SDK1: variants seen among roughly 807,000 people sequenced by gnomAD.
The protein encoded by SDK1 is sidekick cell adhesion molecule 1.
A neutral mutation model predicts 245.5 loss-of-function variants in SDK1; 157 were observed. That is an observed-to-expected ratio of 0.64 (90% CI 0.56 to 0.73). SDK1 has a LOEUF of 0.73. SDK1 is among the 30% of genes least tolerant of loss of function. SDK1 has a pLI of 0.00. For synonymous variants in SDK1, 1,647 were observed against 1,278.5 expected, an observed-to-expected ratio of 1.29 and a Z score of -6.15; for missense variants, 3,583 against 3,002.3, an observed-to-expected ratio of 1.19 and a Z score of -4.52.
At chr7:4,117,391 C>T (rs1783781690) in intron 25 of SDK1, among the ~76,000 whole-genome samples, 1 of 152,176 alleles carries the variant, frequency 6.6e-6, no homozygotes, top group African/African-American at 2.4e-5. Flanking sequence ...TGGCTTGGGC[C>T]TGGGAGTTTG....
chr7:3,311,977 A>G (rs1779561220), intron 1 of SDK1, among the ~76,000 whole-genome samples: 1 of 152,168 alleles, frequency 6.6e-6, no homozygotes, highest in Non-Finnish European at 1.5e-5. Flanking sequence ...TGGAAGGTGG[A>G]GTAAAGGTTC....
At chr7:3,625,240 A>G (rs1782076513) in intron 2 of SDK1, among the ~76,000 whole-genome samples, 1 of 152,204 alleles carries the variant, frequency 6.6e-6, no homozygotes. Context: ...GAGAAAGTAC[A>G]AAAGCATTGA....
intron 2 of SDK1, among the ~76,000 whole-genome samples, chr7:3,637,795 G>T (rs577749781): frequency 1.2e-3 from 190 of 152,300 alleles, no homozygotes; most frequent in Non-Finnish European, 2.2e-3. Flanking sequence ...TTAACATCAG[G>T]GAATACGTGG....
At chr7:3,615,857 C>G (rs1299307132) in intron 1 of SDK1, among the ~76,000 whole-genome samples, 1 of 143,498 alleles carries the variant, frequency 7.0e-6, no homozygotes, top group Non-Finnish European at 1.6e-5. Context: ...ATCACACAAC[C>G]TCTTCAAAGG....
Position 4,206,927 on chromosome 7 carries a change from C to T in SDK1, c.5214+933C>T, listed in dbSNP as rs190055886. 1.1e-3 allele frequency among the ~76,000 whole-genome samples: 166 copies of T among 152,310 alleles called. 2 individuals carry two copies. Among genetic ancestry groups the T allele is most frequent in the African/African-American group, 3.8e-3 (156 of 41,570 alleles). On this transcript the variant is annotated intron_variant, in intron 36 of 44. Transcript: ENST00000404826. ...ACCTTCCTCCATGGCAGGGCTGTTACAGTGATGAATGAGCTAATGGAGAGC... is the reference window on the plus strand; with the variant it reads ...ACCTTCCTCCATGGCAGGGCTGTTATAGTGATGAATGAGCTAATGGAGAGC...
intron 13 of SDK1, 41 bp from the exon 14 acceptor site, chr7:3,987,145 T>G (rs1334478829): frequency 1.2e-6 from 2 of 1,609,406 alleles, no homozygotes; most frequent in Admixed American, 3.3e-5. Flanking sequence ...GATTCTGACA[T>G]GTGTTTTCCT....
intron 1 of SDK1, among the ~76,000 whole-genome samples, chr7:3,580,498 G>T (rs1174209379): frequency 6.6e-6 from 1 of 152,070 alleles, no homozygotes; most frequent in Non-Finnish European, 1.5e-5. Flanking sequence ...ATCACACCTA[G>T]AACCATCTGA....
chr7:3,520,329 G>C (rs986720750), intron 1 of SDK1, among the ~76,000 whole-genome samples: 1 of 152,148 alleles, frequency 6.6e-6, no homozygotes, highest in Admixed American at 6.6e-5. Flanking sequence ...GTCAACCTAG[G>C]TAAGAACATC....
chr7:4,018,976 G>A (rs559407319), intron 17 of SDK1, among the ~76,000 whole-genome samples: 12 of 152,256 alleles, frequency 7.9e-5, no homozygotes, highest in African/African-American at 2.2e-4. Flanking sequence ...TAGGTGGGAC[G>A]CCATTGTTTT....
chr7:3,499,424 G>A (rs1782126299), intron 1 of SDK1, among the ~76,000 whole-genome samples: 1 of 152,096 alleles, frequency 6.6e-6, no homozygotes, highest in Non-Finnish European at 1.5e-5. Context: ...GTGTAGTATG[G>A]TGTAAAGAAT....
At chr7:3,923,368 T>C (rs1250304148) in intron 5 of SDK1, among the ~76,000 whole-genome samples, 2 of 152,214 alleles carry the variant, frequency 1.3e-5, no homozygotes, top group African/African-American at 2.4e-5. Flanking sequence ...GAGCCTACAG[T>C]TCACTGCAAT....
At chr7:3,350,497 C>T (rs1177625876) in intron 1 of SDK1, among the ~76,000 whole-genome samples, 1 of 152,106 alleles carries the variant, frequency 6.6e-6, no homozygotes, top group Non-Finnish European at 1.5e-5. Flanking sequence ...ATTCAGTCTT[C>T]TTGGTGGTTA....
intron 35 of SDK1, among the ~76,000 whole-genome samples, chr7:4,192,152 C>T (rs1346896974): frequency 2.0e-5 from 3 of 152,208 alleles, no homozygotes; most frequent in South Asian, 2.1e-4. Flanking sequence ...TAGTGTGCTT[C>T]GTAGATACTG....
chr7:3,319,876 G>GTTTTTTTTTTTT (rs1562411105), intron 1 of SDK1, among the ~76,000 whole-genome samples: 3 of 40,980 alleles, frequency 7.3e-5, no homozygotes, highest in African/African-American at 1.3e-4. Flanking sequence ...CCCATTCTTA[G>GTTTTTTTTTTTT]TCTTTTTTTT....
intron 1 of SDK1, among the ~76,000 whole-genome samples, chr7:3,332,120 C>T (rs1780083607): frequency 6.6e-6 from 1 of 152,104 alleles, no homozygotes; most frequent in South Asian, 2.1e-4. Context: ...GTTAATATGT[C>T]TAAAGTTTTT....
intron 32 of SDK1, among the ~76,000 whole-genome samples, chr7:4,171,757 A>T (rs111817109): frequency 2.6e-5 from 4 of 152,380 alleles, no homozygotes; most frequent in Admixed American, 2.6e-4. Context: ...ATTTGGAGCT[A>T]GATGCCGGGC....
chr7:3,457,676 C>T (rs1780713020), intron 1 of SDK1, among the ~76,000 whole-genome samples: 1 of 152,056 alleles, frequency 6.6e-6, no homozygotes, highest in Non-Finnish European at 1.5e-5. Flanking sequence ...TTTCCTTTTC[C>T]TTTTCTTCCT....
chr7:4,180,220 C>A (rs1782511724), intron 35 of SDK1, among the ~76,000 whole-genome samples: 1 of 150,222 alleles, frequency 6.7e-6, no homozygotes, highest in African/African-American at 2.5e-5. Flanking sequence ...AGCTCTATGC[C>A]CAGCGCCCAG....
chr7:3,664,632 T>C (rs6462218), intron 4 of SDK1, among the ~76,000 whole-genome samples: 54,647 of 151,034 alleles, frequency 0.36, 10,828 homozygotes, highest in African/African-American at 0.52. Flanking sequence ...CCCAGCTGCT[T>C]GGAAGGCTGA....
Sources: gnomAD v4.1 joint callset for allele counts (sites outside exome capture counted in the v4.1 genomes callset) on GRCh38, gnomAD v4.1.1 for gene constraint, MANE v1.5 for transcripts, NCBI Gene and HGNC (gene_info 2026-07-23, HGNC 2026-07-21) for gene names.